HTT: variants seen among roughly 807,000 people sequenced by gnomAD.
HTT encodes the protein huntington disease protein.
Under a neutral mutation model 362.3 loss-of-function variants are expected in HTT, and 104 were observed. That is an observed-to-expected ratio of 0.29 (90% CI 0.24 to 0.34). The LOEUF is 0.34. HTT is among the 10% of genes least tolerant of loss of function. The probability of loss-of-function intolerance (pLI) is 1.00; values close to 1 mark genes in which losing one functional copy is unlikely to be tolerated. For synonymous variants in HTT, 1,577 were observed against 1,548.7 expected (o/e 1.02, Z -0.43); for missense variants, 3,301 against 3,928.6 (o/e 0.84, Z 4.27).
At chr4:3,201,065 C>G (rs890851161) in intron 41 of HTT, among the ~76,000 whole-genome samples, 1 of 152,176 alleles carries the variant, frequency 6.6e-6, no homozygotes, top group Non-Finnish European at 1.5e-5. Flanking sequence ...AAGAAATAAA[C>G]CAAAGGTAAA....
intron 26 of HTT, among the ~76,000 whole-genome samples, chr4:3,152,140 C>A (rs1716926449): frequency 6.6e-6 from 1 of 151,678 alleles, no homozygotes; most frequent in African/African-American, 2.4e-5. Flanking sequence ...AGCCTGTCGC[C>A]CAGGCTGGAG....
At chr4:3,156,039 A>G (rs148191251) in intron 27 of HTT, among the ~76,000 whole-genome samples, 30 of 152,322 alleles carry the variant, frequency 2.0e-4, no homozygotes, top group Admixed American at 1.4e-3. Context: ...GTACATTGCT[A>G]TTAACTGCAG....
chr4:3,230,151 GTT>G (rs1721181044), intron 60 of HTT, 109 bp downstream of exon 60: 1 of 917,734 alleles, frequency 1.1e-6, no homozygotes. Flanking sequence ...CCTTCCAAGA[GTT>G]GACCCGAACC....
chr4:3,226,115 C>T (rs1054875883), intron 57 of HTT, among the ~76,000 whole-genome samples: 7 of 151,814 alleles, frequency 4.6e-5, no homozygotes, highest in East Asian at 3.9e-4. Context: ...AGGAAGTAGA[C>T]GCCATGAAGG....
chr4:3,146,868 C>T lies in HTT; in HGVS notation c.3215C>T (p.Thr1072Ile). 1.9e-6 allele frequency: 3 copies of T among 1,614,104 alleles called. No individual in the cohort carries two copies. The highest frequency in any genetic ancestry group is 2.5e-6 in the Non-Finnish European group (3 of 1,179,938). Reference sequence around the variant, plus strand: ...GTTGGGATGGCCACAATGATTCTGACCCTGCTCTCGTCAGCTTGGTTCCCA... The same window carrying T: ...GTTGGGATGGCCACAATGATTCTGATCCTGCTCTCGTCAGCTTGGTTCCCA... Reference protein sequence around the residue: ...CTVGMATMILTLLSSAWFPLD... With the variant: ...CTVGMATMILILLSSAWFPLD... The change falls in exon 25 of 67, where the codon ACC (threonine) becomes ATC (isoleucine). Residue 1072 changes from threonine (T) to isoleucine (I), a missense_variant. By Grantham distance (89) the Thr-to-Ile change is moderately conservative. Coordinates refer to ENST00000355072, the MANE Select transcript of HTT (RefSeq NM_001388492.1).
rs751489752 is a variant in HTT, at chr4:3,217,878, C to T, written c.7168C>T (p.Pro2390Ser). ...TAGCGGCGTGCCGGCGTTTCTCACG[C>T]CATTGCTAAGGAACATCATCATCAG... ...RNSGVPAFLT[P>S]LLRNIIISLA... The change falls in exon 52 of 67, where the codon CCA becomes TCA. Residue 2390 changes from proline (P) to serine (S), a missense_variant. Around this residue, in one of 4 missense-constraint regions of HTT, gnomAD observed 753 missense variants for 1,021.3 expected, o/e 0.74. Transcript: ENST00000355072. 4.3e-6 allele frequency: 7 copies of T among 1,614,188 alleles called. No homozygotes were observed. In the South Asian group the frequency reaches 5.5e-5, roughly 13 times the overall value.
chr4:3,220,994 A>C (rs1318847208), intron 53 of HTT, among the ~76,000 whole-genome samples: 1 of 152,222 alleles, frequency 6.6e-6, no homozygotes, highest in Non-Finnish European at 1.5e-5. Context: ...TAAATGAATA[A>C]GTCACCACTT....
chr4:3,226,191 C>T (rs1720904387), intron 57 of HTT, among the ~76,000 whole-genome samples: 1 of 151,958 alleles, frequency 6.6e-6, no homozygotes, highest in African/African-American at 2.4e-5. Context: ...GGGGGGCTCC[C>T]TGAGTGTCCC....
rs551427241 is a variant in HTT, at chr4:3,140,713, T to G, written c.2945+57T>G. The G allele has an allele frequency of 2.6e-5, 39 of 1,513,806 alleles. No homozygotes were observed. In the East Asian group the frequency reaches 8.6e-4, roughly 33 times the overall value. 93.8% of individuals were successfully genotyped at this position (1,513,806 alleles called of 1,614,324 possible). Reference sequence around the variant, plus strand: ...CGGGAAAATGCCCTTTCCTGATGCCTTTCTTTAGGCTTTAATTGAAAACAT... The same window carrying G: ...CGGGAAAATGCCCTTTCCTGATGCCGTTCTTTAGGCTTTAATTGAAAACAT... On this transcript the variant is annotated intron_variant, in intron 22 of 66. Transcript: ENST00000355072.
At chr4:3,136,144 C>T (rs1343597168) in intron 20 of HTT, 82 bp from the exon 21 acceptor site, 6 of 1,026,230 alleles carry the variant, frequency 5.8e-6, no homozygotes, top group Non-Finnish European at 8.9e-6. Context: ...TGAGTTCTTT[C>T]TCACTAGCTT....
intron 47 of HTT, among the ~76,000 whole-genome samples, chr4:3,210,933 G>A (rs1418427510): frequency 1.7e-5 from 2 of 115,406 alleles, no homozygotes; most frequent in East Asian, 2.2e-4. Context: ...ACAAAGTCTC[G>A]CTGTTGTCCC....
At chr4:3,203,391 A>G (rs527274066) in intron 41 of HTT, among the ~76,000 whole-genome samples, 1 of 152,314 alleles carries the variant, frequency 6.6e-6, no homozygotes, top group African/African-American at 2.4e-5. Context: ...GCAGTTTGGG[A>G]GTGTGTCAAC....
At chr4:3,106,657 A>G (rs1393455059) in intron 5 of HTT, among the ~76,000 whole-genome samples, 1 of 152,064 alleles carries the variant, frequency 6.6e-6, no homozygotes, top group East Asian at 1.9e-4. Context: ...GTCTGATTAG[A>G]GTCAGGTTTT....
chr4:3,090,851 C>G (rs1713466616), intron 2 of HTT, among the ~76,000 whole-genome samples: 1 of 152,252 alleles, frequency 6.6e-6, no homozygotes, highest in Admixed American at 6.5e-5. Flanking sequence ...GTGGCCCATG[C>G]CTGTAATCCC....
intron 31 of HTT, 188 bp downstream of exon 31, chr4:3,173,319 A>C: frequency 1.7e-6 from 1 of 594,794 alleles, no homozygotes; most frequent in Non-Finnish European, 3.0e-6. Context: ...GCCTTCCAAG[A>C]AGTGTGTGGC....
Position 3,206,435 on chromosome 4 carries a change from A to T in HTT, c.5719-61A>T. 1 of 1,362,714 alleles carries T rather than the reference A, an allele frequency of 7.3e-7. No homozygotes were observed. Among genetic ancestry groups the T allele is most frequent in the Non-Finnish European group, 1.0e-6 (1 of 955,938 alleles). 84.4% of individuals were successfully genotyped at this position (1,362,714 alleles called of 1,614,324 possible). On this transcript the variant is annotated intron_variant, in intron 42 of 66. Coordinates refer to ENST00000355072, the MANE Select transcript of HTT (RefSeq NM_001388492.1). This position sits in a 1 kb window ranked among gnomAD's most constrained non-coding sequence, Gnocchi z 4.6. ...TTACCCTTTCTGGCCTTTCTATGGC[A>T]TTAATACCTGGTCTCTTCTTGTGTA...
intron 29 of HTT, among the ~76,000 whole-genome samples, chr4:3,160,906 C>G (rs912476450): frequency 1.3e-5 from 2 of 151,872 alleles, no homozygotes; most frequent in African/African-American, 4.8e-5. Context: ...TGGCTAATTT[C>G]AGTTTTATTT....
chr4:3,105,242 A>G (rs1355822904), intron 4 of HTT, 115 bp from the exon 5 acceptor site: 1 of 693,144 alleles, frequency 1.4e-6, no homozygotes, highest in Non-Finnish European at 2.6e-6. Flanking sequence ...ATGCATTTAA[A>G]TGGCCTTTTC....
At chr4:3,112,548 C>T (rs1423382560) in intron 6 of HTT, among the ~76,000 whole-genome samples, 3 of 152,172 alleles carry the variant, frequency 2.0e-5, no homozygotes, top group Admixed American at 1.3e-4. Flanking sequence ...TTTTGGTCGA[C>T]ATTAAGTTCA....
Sources: allele counts gnomAD v4.1 joint callset (sites outside exome capture counted in the v4.1 genomes callset), GRCh38; gene constraint gnomAD v4.1.1; regional missense constraint gnomAD v4.1.1; non-coding constraint Gnocchi (gnomAD v3.1); transcripts MANE v1.5; gene names NCBI Gene and HGNC (gene_info 2026-07-23, HGNC 2026-07-21).